The following ACOX3 variants were observed in gnomAD, a reference collection of about 807,000 sequenced individuals.
The protein encoded by ACOX3 is peroxisomal acyl-coenzyme A oxidase 3.
A neutral mutation model predicts 81.5 loss-of-function variants in ACOX3; 73 were observed. That is an observed-to-expected ratio of 0.90 (90% CI 0.74 to 1.09). ACOX3 has a LOEUF of 1.09. Among genes scored for constraint, ACOX3 ranks in the 50% least tolerant of loss-of-function variants. ACOX3 has a pLI of 0.00. For missense variants in ACOX3, 947 were observed against 928.0 expected (o/e 1.02, Z -0.27); for synonymous variants, 387 against 375.1 (o/e 1.03, Z -0.37).
At chr4:8,371,265 G>T (rs1441857381) in intron 16 of ACOX3, among the ~76,000 whole-genome samples, 1 of 152,158 alleles carries the variant, frequency 6.6e-6, no homozygotes, top group Non-Finnish European at 1.5e-5. Flanking sequence ...TAAAAGTGAC[G>T]ACCCTGAAGC....
Position 8,399,102 on chromosome 4 carries a change from T to C in ACOX3, c.873+454A>G, listed in dbSNP as rs1720046574. Among the ~76,000 whole-genome samples the C allele has an allele frequency of 6.6e-6, 1 of 152,200 alleles. No individual in the cohort carries two copies. Among genetic ancestry groups the C allele is most frequent in the African/African-American group, 2.4e-5 (1 of 41,458 alleles). On this transcript the variant is annotated intron_variant, in intron 8 of 17. Coordinates refer to ENST00000356406, the MANE Select transcript of ACOX3 (RefSeq NM_003501.3). The surrounding 1 kb of genome is among the most constrained non-coding windows in gnomAD (Gnocchi z 4.9). ...CCACCTGCTGTGAGCTCATGATTCC[T>C]GAGGGTCATCAGCTATGACCTGGGC...
intron 11 of ACOX3, among the ~76,000 whole-genome samples, chr4:8,390,299 A>G (rs1305324162): frequency 6.6e-6 from 1 of 151,932 alleles, no homozygotes; most frequent in Non-Finnish European, 1.5e-5. Context: ...AGCCATGGTC[A>G]TGCCACTGTA....
the ACOX3 span, chr4:8,357,813 T>C: frequency 6.1e-6 from 1 of 164,594 alleles, no homozygotes; most frequent in Non-Finnish European, 1.4e-5. Flanking sequence ...ACTTTCACAT[T>C]GATAAATATG....
intron 1 of ACOX3, among the ~76,000 whole-genome samples, chr4:8,426,049 C>G (rs1578996593): frequency 6.6e-6 from 1 of 152,156 alleles, no homozygotes; most frequent in East Asian, 1.9e-4. Context: ...AAAACTCCCC[C>G]CAAAAAGCAG....
downstream of ACOX3, among the ~76,000 whole-genome samples, chr4:8,363,539 C>T (rs1715275237): frequency 6.6e-6 from 1 of 151,996 alleles, no homozygotes; most frequent in Non-Finnish European, 1.5e-5. Flanking sequence ...CCTCTGCAAC[C>T]CTTAGGATTA....
In ACOX3 at chr4:8,389,271, C is replaced by CGGAAGCAAGCTCCATCTA. The variant is rs1560177873; in HGVS notation, c.1424-3_1438dup (p.Phe479_Arg480insLeuAspGlyAlaCysPhe). Reference sequence around the variant, plus strand: ...AAAGTCCACTGACTTCAGCGGACTGCGGAAGCAAGCTCCATCTAGGACACA... The same window carrying CGGAAGCAAGCTCCATCTA: ...AAAGTCCACTGACTTCAGCGGACTGCGGAAGCAAGCTCCATCTAGGAAGCAAGCTCCATCTAGGACACA... On this transcript the variant is annotated inframe_insertion, in exon 13 of 18. Coordinates refer to ENST00000356406, the MANE Select transcript of ACOX3 (RefSeq NM_003501.3). The surrounding 1 kb of genome is among the most constrained non-coding windows in gnomAD (Gnocchi z 5.3). The CGGAAGCAAGCTCCATCTA allele has an allele frequency of 3.1e-6, 5 of 1,612,572 alleles. No individual in the cohort carries two copies. The highest frequency in any genetic ancestry group is 4.2e-6 in the Non-Finnish European group (5 of 1,179,402).
chr4:8,368,055 C>T lies in ACOX3; in HGVS notation c.1984-975G>A, dbSNP rs1210934090. ...GCTGTTTCTTAGTAACTGCAGCCAC[C>T]GCAGGATGCTGCAAGGCTGCATCGA... On this transcript the variant is annotated intron_variant, in intron 17 of 17. Coordinates refer to ENST00000356406, the MANE Select transcript of ACOX3 (RefSeq NM_003501.3). This position sits in a 1 kb window ranked among gnomAD's most constrained non-coding sequence, Gnocchi z 5.9. 3.9e-5 allele frequency among the ~76,000 whole-genome samples: 6 copies of T among 152,124 alleles called. No homozygotes were observed. The highest frequency in any genetic ancestry group is 3.9e-4 in the East Asian group (2 of 5,184).
Position 8,366,370 on chromosome 4 carries a change from T to C in ACOX3, c.*591A>G, listed in dbSNP as rs1420762888. On this transcript the variant is annotated 3_prime_UTR_variant, in exon 18 of 18. Transcript: ENST00000356406. ...TGCCCATTCAAATCATTAGACTTTT[T>C]AAAAAAACATTTCCTCGATGGAAAT... 1 of 152,344 alleles carries C rather than the reference T, an allele frequency of 6.6e-6. No homozygotes were observed. Among genetic ancestry groups the C allele is most frequent in the Non-Finnish European group, 1.5e-5 (1 of 68,192 alleles). The allele number at this position is 152,344 out of a possible 1,614,324, so 9.4% of individuals were successfully genotyped here.
At position 8,375,285 on chromosome 4, in the gene ACOX3, G is replaced by C. The variant is rs1042752310; in HGVS notation, c.1654-133C>G. 3.9e-5 allele frequency: 34 copies of C among 878,772 alleles called. 1 individual carries two copies. Among genetic ancestry groups the C allele is most frequent in the Middle Eastern group, 3.6e-4 (1 of 2,764 alleles). 54.4% of individuals were successfully genotyped at this position (878,772 alleles called of 1,614,324 possible). The stretch of plus-strand genomic sequence containing the variant: ...ATGTCCTAGGACAGTAACATAAGGT[G>C]AGGCAGAGCACAGATGCGGCGCAGC... On this transcript the variant is annotated intron_variant, in intron 14 of 17. Transcript: ENST00000356406.
At chr4:8,377,847 G>A (rs904909803) in intron 14 of ACOX3, among the ~76,000 whole-genome samples, 4 of 152,294 alleles carry the variant, frequency 2.6e-5, no homozygotes, top group Middle Eastern at 3.4e-3. Flanking sequence ...CCTCCCCCAC[G>A]GACAAAGTGT....
chr4:8,385,830 A>G lies in ACOX3; in HGVS notation c.1537+3343T>C, dbSNP rs891579187. ...ATGACGCAGGCTGCAGTCAGCCCTG[A>G]GACCTGGGATCTGTGACCAAATGCC... On this transcript the variant is annotated intron_variant, in intron 13 of 17. Transcript: ENST00000356406. This position sits in a 1 kb window ranked among gnomAD's most constrained non-coding sequence, Gnocchi z 5.5. Among the ~76,000 whole-genome samples, 6 of 152,244 alleles carry G rather than the reference A, an allele frequency of 3.9e-5. No individual in the cohort carries two copies. Among genetic ancestry groups the G allele is most frequent in the African/African-American group, 1.4e-4 (6 of 41,468 alleles).
rs1367891394 is a variant in ACOX3 at position 8,370,637 on chromosome 4, C to A, written c.1983+271G>T. On this transcript the variant is annotated intron_variant, in intron 17 of 17. Coordinates refer to ENST00000356406, the MANE Select transcript of ACOX3 (RefSeq NM_003501.3). This position sits in a 1 kb window ranked among gnomAD's most constrained non-coding sequence, Gnocchi z 6.3. ...AGGTCACAGTGTGTGGACCTCCAACCTCTGCCTGTGCAGGCGGGCAGTGCC... is the reference window on the plus strand; with the variant it reads ...AGGTCACAGTGTGTGGACCTCCAACATCTGCCTGTGCAGGCGGGCAGTGCC... 1.3e-5 allele frequency among the ~76,000 whole-genome samples: 2 copies of A among 151,874 alleles called. No individual in the cohort carries two copies.
chr4:8,394,837 TCAGGGCCACACACCCA>T lies in ACOX3; in HGVS notation c.1057-111_1057-96del. On this transcript the variant is annotated intron_variant, in intron 9 of 17. Transcript: ENST00000356406. The surrounding 1 kb of genome is among the most constrained non-coding windows in gnomAD (Gnocchi z 5.9). Reference sequence around the variant, plus strand: ...TGAAAGCCAGTGCAGGGAGAGGCCGTCAGGGCCACACACCCACTAGCGCTGAAGGTCTTCACATGTC... The same window carrying T: ...TGAAAGCCAGTGCAGGGAGAGGCCGTCTAGCGCTGAAGGTCTTCACATGTC... 1 of 1,483,998 alleles carries T rather than the reference TCAGGGCCACACACCCA, an allele frequency of 6.7e-7. No homozygotes were observed. The highest frequency in any genetic ancestry group is 9.0e-7 in the Non-Finnish European group (1 of 1,107,132). The allele number at this position is 1,483,998 out of a possible 1,614,324, so 91.9% of individuals were successfully genotyped here. A position where few individuals can be genotyped will look rare whatever the true frequency, so the allele number is the denominator to read the frequency against.
At chr4:8,379,948 C>A (rs1327618519) in intron 14 of ACOX3, among the ~76,000 whole-genome samples, 2 of 151,898 alleles carry the variant, frequency 1.3e-5, no homozygotes, top group Admixed American at 1.3e-4. Flanking sequence ...AGTGCAGCAG[C>A]CTATTCCACC....
intron 8 of ACOX3, among the ~76,000 whole-genome samples, chr4:8,398,755 C>T (rs952430059): frequency 4.6e-5 from 7 of 152,204 alleles, no homozygotes; most frequent in African/African-American, 1.4e-4. Flanking sequence ...GGGTTACGGG[C>T]GTGAGCCACT....
At position 8,381,929 on chromosome 4, in the gene ACOX3, G is replaced by A. The variant is rs553761531; in HGVS notation, c.1538-322C>T. Among the ~76,000 whole-genome samples the A allele has an allele frequency of 3.3e-5, 5 of 152,244 alleles. No homozygotes were observed. Among genetic ancestry groups the A allele is most frequent in the South Asian group, 4.1e-4 (2 of 4,836 alleles). ...GGGCCCCCGAGTGGGACGGCTGCACGTTCTCGCACGCACCAGGCTCGGTCT... is the reference window on the plus strand; with the variant it reads ...GGGCCCCCGAGTGGGACGGCTGCACATTCTCGCACGCACCAGGCTCGGTCT... On this transcript the variant is annotated intron_variant, in intron 13 of 17. Transcript: ENST00000356406. This position sits in a 1 kb window ranked among gnomAD's most constrained non-coding sequence, Gnocchi z 4.3.
downstream of ACOX3, among the ~76,000 whole-genome samples, chr4:8,361,425 C>CAAAAAAAAAAACAAAAAAAA (rs1715231827): frequency 2.6e-5 from 1 of 39,034 alleles, no homozygotes; most frequent in Non-Finnish European, 4.2e-5. Flanking sequence ...GACTCTATCT[C>CAAAAAAAAAAACAAAAAAAA]AAAAAAAAAA....
intron 1 of ACOX3, among the ~76,000 whole-genome samples, chr4:8,426,379 C>T (rs751837664): frequency 1.9e-3 from 291 of 151,922 alleles, no homozygotes; most frequent in Non-Finnish European, 1.9e-3. Context: ...CCCTGGATAC[C>T]GCCAAAGGAA....
Position 8,381,174 on chromosome 4 carries a change from C to T in ACOX3, c.1653+318G>A, listed in dbSNP as rs1408902776. 2.0e-5 allele frequency among the ~76,000 whole-genome samples: 3 copies of T among 152,120 alleles called. No individual in the cohort carries two copies. Among genetic ancestry groups the T allele is most frequent in the Admixed American group, 1.3e-4 (2 of 15,262 alleles). ...GTCAGGAGGGAGTGCTCTGAGTGCCCGCAATGGTGTCTCCGCCACTCTGTG... is the reference window on the plus strand; with the variant it reads ...GTCAGGAGGGAGTGCTCTGAGTGCCTGCAATGGTGTCTCCGCCACTCTGTG... On this transcript the variant is annotated intron_variant, in intron 14 of 17. Transcript: ENST00000356406. This position sits in a 1 kb window ranked among gnomAD's most constrained non-coding sequence, Gnocchi z 4.3.
Sources: allele counts gnomAD v4.1 joint callset (sites outside exome capture counted in the v4.1 genomes callset), GRCh38; gene constraint gnomAD v4.1.1; non-coding constraint Gnocchi (gnomAD v3.1); transcripts MANE v1.5; gene names NCBI Gene and HGNC (gene_info 2026-07-23, HGNC 2026-07-21).